ARMCX4: variants seen among roughly 807,000 people sequenced by gnomAD.
ARMCX4 encodes the protein armadillo repeat-containing X-linked protein 4.
In ARMCX4, 3 loss-of-function variants were observed where a neutral mutation model predicts 34.7. The ratio of observed to expected loss-of-function variants is 0.09; its 90% confidence interval spans 0.04 to 0.22. The LOEUF (loss-of-function observed/expected upper bound fraction) is 0.22, where lower values mean the gene tolerates loss of function less well. Among genes scored for constraint, ARMCX4 ranks in the 10% least tolerant of loss-of-function variants. The pLI, the probability that ARMCX4 is intolerant of heterozygous loss-of-function variation, is 1.00. For missense variants in ARMCX4, 1,448 were observed against 1,720.8 expected (o/e 0.84, Z 2.81); for synonymous variants, 513 against 632.8 (o/e 0.81, Z 2.84).
chrX:101,497,997 T>G, downstream of ARMCX4: 2 of 231,410 alleles, frequency 8.6e-6, no homozygotes, highest in South Asian at 9.6e-5. Flanking sequence ...TTTCCTCAGC[T>G]GAAGAAAGCC....
rs186251783 is a variant in ARMCX4 at position 101,489,869 on chromosome X, T to C, written c.1280T>C (p.Met427Thr). The C allele has an allele frequency of 1.5e-4, 170 of 1,154,824 alleles. No homozygotes were observed. The highest frequency in any genetic ancestry group is 9.3e-4 in the Middle Eastern group (4 of 4,306). Residue 427 changes from methionine to threonine, a missense_variant, in exon 6 of 6, where the codon ATG becomes ACG. Around this residue, in one of 2 missense-constraint regions of ARMCX4, gnomAD observed 1,343 missense variants for 1,540.7 expected, o/e 0.87. Coordinates refer to ENST00000423738, the MANE Select transcript of ARMCX4 (RefSeq NM_001256155.3). ...KVKNRGNPNA[M>T]TKAGAKANLR... is the part of the protein sequence containing the mutation. ...AAGAACAGAGGCAATCCCAATGCCA[T>C]GACTAAAGCAGGGGCCAAGGCAAAC...
chrX:101,419,943 CA>C (rs1929135507), intron 2 of ARMCX4, among the ~76,000 whole-genome samples: 1 of 112,082 alleles, frequency 8.9e-6, no homozygotes, highest in Non-Finnish European at 1.9e-5. Flanking sequence ...TAATAGTACT[CA>C]AAATATGGCT....
intron 11 of ARMCX4, among the ~76,000 whole-genome samples, chrX:101,521,782 T>G (rs1200204180): frequency 9.0e-6 from 1 of 111,466 alleles, no homozygotes; most frequent in African/African-American, 3.3e-5. Context: ...ATTGGTGACA[T>G]AGGCATATGT....
At position 101,525,015 on chromosome X, in the gene ARMCX4, G is replaced by A. The variant is rs965622374; in HGVS notation, c.*1781-6629G>A. ...CTCCTCAAGTGGGTCCCTGACTCCC[G>A]TGTAGCCTAACTGGGAGACACCTCC... On this transcript the variant is annotated intron_variant and NMD_transcript_variant, in intron 11 of 12. Coordinates refer to the ARMCX4 transcript ENST00000354842. Among the ~76,000 whole-genome samples the A allele has an allele frequency of 4.5e-5, 5 of 112,056 alleles. No homozygotes were observed. The Admixed American group carries it at 4.7e-4, about 11-fold the overall frequency.
At chrX:101,522,530 A>G (rs1344957370) in intron 11 of ARMCX4, among the ~76,000 whole-genome samples, 1 of 111,628 alleles carries the variant, frequency 9.0e-6, no homozygotes, top group Non-Finnish European at 1.9e-5. Flanking sequence ...CCATTTTACT[A>G]TTTGTTTTCT....
chrX:101,467,622 A>G (rs1932816065), intron 4 of ARMCX4, among the ~76,000 whole-genome samples: 1 of 112,205 alleles, frequency 8.9e-6, no homozygotes, highest in African/African-American at 3.2e-5. Flanking sequence ...ACCTGATGAT[A>G]CAAGCATCCA....
chrX:101,437,662 C>T (rs1930896344), intron 2 of ARMCX4, among the ~76,000 whole-genome samples: 1 of 111,078 alleles, frequency 9.0e-6, no homozygotes, highest in Admixed American at 9.7e-5. Context: ...CTGCTCTGAT[C>T]TTAGTTATTT....
chrX:101,515,393 C>CTTTCTTTCTTTCTTTCTTT lies in ARMCX4; in HGVS notation c.*1780+4338_*1780+4339insTTTCTTTCTTTCTTTCTTT, dbSNP rs1556017492. On this transcript the variant is annotated intron_variant and NMD_transcript_variant, in intron 11 of 12. Transcript: ENST00000354842. ...TTTCTTTCTTTCTTTTTCTTTCTTT[C>CTTTCTTTCTTTCTTTCTTT]CCTCCCTCCCTCCCTCCCTCTCTTC... Among the ~76,000 whole-genome samples, 17 of 10,440 alleles carry CTTTCTTTCTTTCTTTCTTT rather than the reference C, an allele frequency of 1.6e-3. 1 individual carries two copies. Among genetic ancestry groups the CTTTCTTTCTTTCTTTCTTT allele is most frequent in the Non-Finnish European group, 2.2e-3 (13 of 5,782 alleles). The allele number at this position is 10,440 out of a possible 115,157, so 9.1% of individuals were successfully genotyped here. A position where few individuals can be genotyped will look rare whatever the true frequency, so the allele number is the denominator to read the frequency against.
At chrX:101,430,989 G>A (rs781918943) in intron 2 of ARMCX4, among the ~76,000 whole-genome samples, 37 of 111,142 alleles carry the variant, frequency 3.3e-4, no homozygotes, top group African/African-American at 1.1e-3. Context: ...TAACTGCCAG[G>A]AGGATTCCTA....
intron 4 of ARMCX4, among the ~76,000 whole-genome samples, chrX:101,471,920 G>A (rs1341060768): frequency 1.3e-4 from 14 of 105,825 alleles, no homozygotes; most frequent in African/African-American, 4.2e-4. Flanking sequence ...CCAAAGGAAC[G>A]CAGTTCCTCA....
upstream of ARMCX4, among the ~76,000 whole-genome samples, chrX:101,482,546 C>G (rs782772569): frequency 2.6e-4 from 26 of 98,425 alleles, no homozygotes; most frequent in East Asian, 8.4e-3. Context: ...CAGGCATGCA[C>G]CACTAAGCCC....
At chrX:101,499,632 T>C (rs1422837471), downstream of ARMCX4, among the ~76,000 whole-genome samples, 1 of 112,028 alleles carries the variant, frequency 8.9e-6, no homozygotes, top group Non-Finnish European at 1.9e-5. Flanking sequence ...TGCACTTAAC[T>C]GTCAGAAGTT....
In ARMCX4 at chrX:101,495,108, G is replaced by A. The variant is rs1556011494; in HGVS notation, c.6519G>A (p.Thr2173=). The change falls in exon 6 of 6, where the codon ACG becomes ACA. Residue 2173 remains threonine, a synonymous_variant. Transcript: ENST00000423738. ...NYISEFLRLL[T]VGSGETKDHV... Reference sequence around the variant, plus strand: ...TTTCAGAATTTCTTCGTTTGTTAACGGTGGGAAGTGGAGAAACTAAAGACC... The same window carrying A: ...TTTCAGAATTTCTTCGTTTGTTAACAGTGGGAAGTGGAGAAACTAAAGACC... The A allele has an allele frequency of 2.6e-6, 3 of 1,154,241 alleles. No homozygotes were observed. The highest frequency in any genetic ancestry group is 3.4e-6 in the Non-Finnish European group (3 of 871,507).
chrX:101,451,984 G>A (rs1405975648), downstream of ARMCX4, among the ~76,000 whole-genome samples: 2 of 111,815 alleles, frequency 1.8e-5, no homozygotes, highest in Non-Finnish European at 3.8e-5. Flanking sequence ...AAGGTTCAGG[G>A]AAGTTTAACA....
At chrX:101,452,219 A>G (rs1384590985), downstream of ARMCX4, among the ~76,000 whole-genome samples, 1 of 112,116 alleles carries the variant, frequency 8.9e-6, no homozygotes, top group Non-Finnish European at 1.9e-5. Context: ...GGGGAAGTCT[A>G]GTCTCTGATC....
intron 4 of ARMCX4, among the ~76,000 whole-genome samples, chrX:101,464,340 C>A (rs1329062943): frequency 1.8e-5 from 2 of 111,448 alleles, no homozygotes; most frequent in African/African-American, 6.5e-5. Flanking sequence ...AGCGCCATTG[C>A]ATTCCAGCTT....
Position 101,526,867 on chromosome X carries a change from A to C in ARMCX4, c.*1781-4777A>C, listed in dbSNP as rs782781778. ...GAGACCTACAAAGAGACTTAGACTC[A>C]CACACAATAATAATGGGAGACTTTA... On this transcript the variant is annotated intron_variant and NMD_transcript_variant, in intron 11 of 12. Coordinates refer to the ARMCX4 transcript ENST00000354842. Among the ~76,000 whole-genome samples the C allele has an allele frequency of 7.6e-4, 85 of 111,471 alleles. 2 individuals carry two copies. Among genetic ancestry groups the C allele is most frequent in the African/African-American group, 2.3e-3 (72 of 30,683 alleles).
chrX:101,495,189 G>A lies in ARMCX4; in HGVS notation c.6600G>A (p.Leu2200=). 1 of 1,151,418 alleles carries A rather than the reference G, an allele frequency of 8.7e-7. No homozygotes were observed. Among genetic ancestry groups the A allele is most frequent in the Non-Finnish European group, 1.2e-6 (1 of 868,636 alleles). 94.9% of individuals were successfully genotyped at this position (1,151,418 alleles called of 1,213,427 possible). Residue 2200 remains leucine, a synonymous_variant, in exon 6 of 6, where the codon TTG becomes TTA. Transcript: ENST00000423738. ...FSKNPSMTKD[L]LIANAPTSLI... is the part of the protein sequence containing the mutation. ...AAAATCCATCTATGACAAAAGACTT[G>A]CTCATTGCCAATGCACCAACATCAC...
At chrX:101,526,448 A>T (rs1346807611) in intron 11 of ARMCX4, among the ~76,000 whole-genome samples, 1 of 111,973 alleles carries the variant, frequency 8.9e-6, no homozygotes, top group East Asian at 2.8e-4. Context: ...TAACCAGCTA[A>T]CGTCATAATG....
Sources: allele counts gnomAD v4.1 joint callset (sites outside exome capture counted in the v4.1 genomes callset), GRCh38; gene constraint gnomAD v4.1.1; regional missense constraint gnomAD v4.1.1; transcripts MANE v1.5; gene names NCBI Gene and HGNC (gene_info 2026-07-23, HGNC 2026-07-21).